XKR4: variants seen among roughly 807,000 people sequenced by gnomAD.
XKR4 encodes XK related 4, also known as XK-related protein 4.
In XKR4, 12 loss-of-function variants were observed where a neutral mutation model predicts 53.9. The ratio of observed to expected loss-of-function variants is 0.22; its 90% CI spans 0.14 to 0.36. The LOEUF is 0.36. Among genes scored for constraint, XKR4 ranks in the 10% least tolerant of loss-of-function variants. The pLI is 1.00. For synonymous variants in XKR4, 354 were observed against 362.4 expected (o/e 0.98, Z 0.26); for missense variants, 799 against 859.5 (o/e 0.93, Z 0.88).
chr8:55,125,665 A>C (rs1450971056), intron 1 of XKR4, among the ~76,000 whole-genome samples: 1 of 152,214 alleles, frequency 6.6e-6, no homozygotes, highest in Non-Finnish European at 1.5e-5. Flanking sequence ...TATATTAAAC[A>C]CAAAAGCCTA....
At chr8:55,506,288 A>C (rs1361458286) in intron 2 of XKR4, among the ~76,000 whole-genome samples, 4 of 152,216 alleles carry the variant, frequency 2.6e-5, no homozygotes, top group Non-Finnish European at 5.9e-5. Flanking sequence ...CATCTCTACT[A>C]ACTAGAGATC....
At chr8:55,319,200 T>C (rs1035573427) in intron 1 of XKR4, among the ~76,000 whole-genome samples, 3 of 152,288 alleles carry the variant, frequency 2.0e-5, no homozygotes, top group East Asian at 1.9e-4. Flanking sequence ...TACTTTTTTT[T>C]CCCTGTGATA....
In XKR4 at chr8:55,531,315, A is replaced by C. The variant is rs1563374947; in HGVS notation, c.*7088A>C. On this transcript the variant is annotated 3_prime_UTR_variant, in exon 3 of 3. Transcript: ENST00000327381. Reference sequence around the variant, plus strand: ...ACCGAATACTGTAGGCAACTGTAACACCATGGTAAGTACTTGTGTATTTAA... The same window carrying C: ...ACCGAATACTGTAGGCAACTGTAACCCCATGGTAAGTACTTGTGTATTTAA... 1 of 152,204 alleles carries C rather than the reference A, an allele frequency of 6.6e-6. No homozygotes were observed. The highest frequency in any genetic ancestry group is 1.5e-5 in the Non-Finnish European group (1 of 68,044). The allele number at this position is 152,204 out of a possible 1,614,324, so 9.4% of individuals were successfully genotyped here.
intron 2 of XKR4, among the ~76,000 whole-genome samples, chr8:55,417,396 G>A (rs942010537): frequency 3.3e-5 from 5 of 152,178 alleles, no homozygotes; most frequent in Admixed American, 3.3e-4. Context: ...ATTCAAAAGG[G>A]TACAGTCGAA....
At chr8:55,210,013 G>A (rs192573230) in intron 1 of XKR4, among the ~76,000 whole-genome samples, 1 of 151,836 alleles carries the variant, frequency 6.6e-6, no homozygotes, top group Non-Finnish European at 1.5e-5. Flanking sequence ...ATTGAATGAT[G>A]AACTCATATT....
intron 2 of XKR4, among the ~76,000 whole-genome samples, chr8:55,459,435 T>C (rs564643734): frequency 1.4e-4 from 21 of 152,100 alleles, no homozygotes; most frequent in Non-Finnish European, 2.6e-4. Flanking sequence ...AAATTGAACT[T>C]CATAAAAATT....
At chr8:55,145,352 A>G (rs1394472573) in intron 1 of XKR4, among the ~76,000 whole-genome samples, 2 of 152,162 alleles carry the variant, frequency 1.3e-5, no homozygotes, top group South Asian at 2.1e-4. Flanking sequence ...ATACTTCAGT[A>G]TACATTGATT....
chr8:55,165,795 A>C (rs936086922), intron 1 of XKR4, among the ~76,000 whole-genome samples: 10 of 146,374 alleles, frequency 6.8e-5, no homozygotes, highest in African/African-American at 2.0e-4. Flanking sequence ...ACAGAGCAAG[A>C]CTCCGTCTCA....
At chr8:55,481,268 C>G (rs865805590) in intron 2 of XKR4, among the ~76,000 whole-genome samples, 1 of 152,130 alleles carries the variant, frequency 6.6e-6, no homozygotes, top group Non-Finnish European at 1.5e-5. Flanking sequence ...CTGACTTTGA[C>G]AAACCTGAGA....
chr8:55,501,420 A>G (rs1209449835), intron 2 of XKR4, among the ~76,000 whole-genome samples: 1 of 152,146 alleles, frequency 6.6e-6, no homozygotes, highest in African/African-American at 2.4e-5. Flanking sequence ...CGTCTTCCCA[A>G]ACTGAAATTC....
At chr8:55,395,827 G>A (rs1804508667) in intron 2 of XKR4, among the ~76,000 whole-genome samples, 1 of 152,156 alleles carries the variant, frequency 6.6e-6, no homozygotes, top group African/African-American at 2.4e-5. Context: ...AGTCTGTTCT[G>A]GCGGCTACAA....
At chr8:55,140,123 A>G in intron 1 of XKR4, 1 of 425,788 alleles carries the variant, frequency 2.3e-6, no homozygotes, top group South Asian at 1.7e-5. Context: ...TTTCTTTTAG[A>G]TGAAAATTCT....
At chr8:55,287,370 G>A (rs1486995976) in intron 1 of XKR4, among the ~76,000 whole-genome samples, 1 of 152,148 alleles carries the variant, frequency 6.6e-6, no homozygotes, top group Non-Finnish European at 1.5e-5. Flanking sequence ...TTAAATCTAA[G>A]CACATTTGCA....
Position 55,533,042 on chromosome 8 carries a change from A to G in XKR4, c.*8815A>G, listed in dbSNP as rs1389071246. ...GAGCTGTATCAAATCAACACTTTTA[A>G]TTATTTCACATTAATTCATCAAGAA... On this transcript the variant is annotated 3_prime_UTR_variant, in exon 3 of 3. Coordinates refer to ENST00000327381, the MANE Select transcript of XKR4 (RefSeq NM_052898.2). The G allele has an allele frequency of 6.6e-6, 1 of 152,182 alleles. No individual in the cohort carries two copies. Among genetic ancestry groups the G allele is most frequent in the Non-Finnish European group, 1.5e-5 (1 of 68,030 alleles). The allele number at this position is 152,182 out of a possible 1,614,324, so 9.4% of individuals were successfully genotyped here. A position where few individuals can be genotyped will look rare whatever the true frequency, so the allele number is the denominator to read the frequency against.
rs185849124 is a variant in XKR4, at chr8:55,232,997, G to T, written c.807-124681G>T. Among the ~76,000 whole-genome samples, 514 of 152,328 alleles carry T rather than the reference G, an allele frequency of 3.4e-3. 2 individuals are homozygous for T. Among genetic ancestry groups the T allele is most frequent in the Non-Finnish European group, 5.5e-3 (372 of 68,026 alleles). Reference sequence around the variant, plus strand: ...TGTATTTGCTGCCCACTGTAAGTGGGCATGGACTAGAATGAAGGATGGTGT... The same window carrying T: ...TGTATTTGCTGCCCACTGTAAGTGGTCATGGACTAGAATGAAGGATGGTGT... On this transcript the variant is annotated intron_variant, in intron 1 of 2. Coordinates refer to ENST00000327381, the MANE Select transcript of XKR4 (RefSeq NM_052898.2).
intron 1 of XKR4, among the ~76,000 whole-genome samples, chr8:55,239,137 G>T (rs1396691014): frequency 1.3e-5 from 2 of 152,164 alleles, no homozygotes; most frequent in South Asian, 2.1e-4. Flanking sequence ...TCTCCACAAT[G>T]ATTTAATTTA....
intron 2 of XKR4, among the ~76,000 whole-genome samples, chr8:55,370,140 A>G (rs1804052054): frequency 6.6e-6 from 1 of 152,240 alleles, no homozygotes; most frequent in Non-Finnish European, 1.5e-5. Flanking sequence ...AATAGCTAAA[A>G]GTGGAACTGC....
intron 2 of XKR4, among the ~76,000 whole-genome samples, chr8:55,422,968 A>G (rs1449353388): frequency 7.0e-4 from 106 of 152,200 alleles, no homozygotes; most frequent in Non-Finnish European, 7.3e-5. Context: ...CTGGCAGGTA[A>G]TAGGCTTATT....
intron 2 of XKR4, among the ~76,000 whole-genome samples, chr8:55,382,950 G>A (rs183140479): frequency 1.2e-4 from 18 of 152,176 alleles, no homozygotes; most frequent in Middle Eastern, 3.4e-3. Context: ...GAGGCCGGGC[G>A]TGGTGTAATC....
Sources: gnomAD v4.1 joint callset for allele counts (sites outside exome capture counted in the v4.1 genomes callset) on GRCh38, gnomAD v4.1.1 for gene constraint, MANE v1.5 for transcripts, NCBI Gene and HGNC (gene_info 2026-07-23, HGNC 2026-07-21) for gene names.